RNF180: variants seen among roughly 807,000 people sequenced by gnomAD.
The protein encoded by RNF180 is ring finger protein 180, also known as E3 ubiquitin-protein ligase RNF180.
A neutral mutation model predicts 59.2 loss-of-function variants in RNF180; 38 were observed. The observed-to-expected ratio is 0.64, with a 90% CI of 0.50 to 0.84. RNF180 has a LOEUF of 0.84. Among genes scored for constraint, RNF180 ranks in the 40% least tolerant of loss-of-function variants. The pLI, the probability that RNF180 is intolerant of heterozygous loss-of-function variation, is 0.00. For synonymous variants in RNF180, 262 were observed against 240.3 expected (o/e 1.09, Z -0.84); for missense variants, 705 against 700.9 (o/e 1.01, Z -0.07).
intron 5 of RNF180, among the ~76,000 whole-genome samples, chr5:64,298,339 GC>G (rs569409246): frequency 1.7e-4 from 26 of 151,996 alleles, no homozygotes; most frequent in Non-Finnish European, 2.9e-5. Context: ...GGTTGGCATT[GC>G]CTAGGTTGTC....
Position 64,182,291 on chromosome 5 carries a change from T to G in RNF180, c.-1+16338T>G, listed in dbSNP as rs1690971669. On this transcript the variant is annotated intron_variant, in intron 1 of 7. Coordinates refer to ENST00000389100, the MANE Select transcript of RNF180 (RefSeq NM_001113561.2). ...CAGCTACTTTCTTAAATAATGTGAT[T>G]CACAAAAAATTTATTTTAAAGAAAT... Among the ~76,000 whole-genome samples, 7 of 152,264 alleles carry G rather than the reference T, an allele frequency of 4.6e-5. No homozygotes were observed. In the South Asian group the frequency reaches 1.5e-3, roughly 32 times the overall value.
intron 5 of RNF180, among the ~76,000 whole-genome samples, chr5:64,258,254 G>T (rs532379651): frequency 1.1e-3 from 174 of 152,256 alleles, no homozygotes; most frequent in African/African-American, 4.0e-3. Context: ...AAAACTAAAA[G>T]ACCATTTTGT....
chr5:64,256,473 G>A (rs1222104238), intron 5 of RNF180, among the ~76,000 whole-genome samples: 1 of 152,088 alleles, frequency 6.6e-6, no homozygotes, highest in Non-Finnish European at 1.5e-5. Context: ...TTTCCCCATT[G>A]CTTGTTTCTG....
intron 5 of RNF180, among the ~76,000 whole-genome samples, chr5:64,245,587 C>T (rs1216255009): frequency 6.6e-6 from 1 of 152,134 alleles, no homozygotes; most frequent in East Asian, 1.9e-4. Flanking sequence ...TATATATGCA[C>T]CCAATATGGG....
At chr5:64,254,807 T>G (rs1333227881) in intron 5 of RNF180, among the ~76,000 whole-genome samples, 1 of 152,182 alleles carries the variant, frequency 6.6e-6, no homozygotes, top group Non-Finnish European at 1.5e-5. Context: ...CCTGTTTTTC[T>G]CCAGCCATTA....
At chr5:64,299,667 G>T (rs1580206131) in intron 5 of RNF180, among the ~76,000 whole-genome samples, 1 of 151,872 alleles carries the variant, frequency 6.6e-6, no homozygotes, top group African/African-American at 2.4e-5. Flanking sequence ...GACTCAGTAG[G>T]CTTGTTTTGG....
intron 7 of RNF180, among the ~76,000 whole-genome samples, chr5:64,337,384 T>C (rs1745171687): frequency 6.6e-6 from 1 of 152,228 alleles, no homozygotes; most frequent in Non-Finnish European, 1.5e-5. Context: ...CCTTATATTT[T>C]GTTAAAGGTT....
chr5:64,191,203 A>G (rs1751139545), intron 1 of RNF180, among the ~76,000 whole-genome samples: 1 of 152,232 alleles, frequency 6.6e-6, no homozygotes, highest in Non-Finnish European at 1.5e-5. Context: ...TTATTTCTGT[A>G]TGGAAAGTAC....
intron 5 of RNF180, among the ~76,000 whole-genome samples, chr5:64,287,111 C>A (rs1004268241): frequency 5.3e-5 from 8 of 152,118 alleles, no homozygotes; most frequent in Non-Finnish European, 1.2e-4. Context: ...GAATTACAGG[C>A]ACCTGCCACC....
intron 7 of RNF180, among the ~76,000 whole-genome samples, chr5:64,361,493 A>G (rs932668684): frequency 3.3e-5 from 5 of 151,574 alleles, no homozygotes; most frequent in African/African-American, 1.2e-4. Context: ...TGGCACAAGA[A>G]TTCAATTCTT....
At chr5:64,176,354 T>C (rs1257906228) in intron 1 of RNF180, among the ~76,000 whole-genome samples, 4 of 152,144 alleles carry the variant, frequency 2.6e-5, no homozygotes, top group Non-Finnish European at 4.4e-5. Flanking sequence ...TCTCCTATCT[T>C]CTTTTTCTTA....
In RNF180 at chr5:64,200,957, C is replaced by G. The variant is rs756035118; in HGVS notation, c.135+15C>G. 1 of 1,609,476 alleles carries G rather than the reference C, an allele frequency of 6.2e-7. No individual in the cohort carries two copies. Among genetic ancestry groups the G allele is most frequent in the Non-Finnish European group, 8.5e-7 (1 of 1,176,654 alleles). On this transcript the variant is annotated intron_variant, in intron 2 of 7. Transcript: ENST00000389100. ...AAGTGATTAAGGTGAGTATTGGTAA[C>G]TCCAGTCTTCAGTTTCCTGGTAGAG...
chr5:64,306,416 A>G (rs1008593806), intron 5 of RNF180, among the ~76,000 whole-genome samples: 2 of 151,732 alleles, frequency 1.3e-5, no homozygotes, highest in Non-Finnish European at 3.0e-5. Context: ...TAAAATACAT[A>G]GGCTAGCCAG....
At chr5:64,354,066 G>C (rs968334502) in intron 7 of RNF180, among the ~76,000 whole-genome samples, 2 of 151,280 alleles carry the variant, frequency 1.3e-5, no homozygotes, top group Non-Finnish European at 3.0e-5. Context: ...CTTTGAACTA[G>C]AAGAATCAGC....
intron 1 of RNF180, among the ~76,000 whole-genome samples, chr5:64,193,754 G>T (rs1751301273): frequency 6.6e-6 from 1 of 152,210 alleles, no homozygotes; most frequent in Non-Finnish European, 1.5e-5. Flanking sequence ...CTTGGTGATA[G>T]ATAAGTAATC....
At chr5:64,333,156 G>A (rs934742884) in intron 7 of RNF180, among the ~76,000 whole-genome samples, 6 of 152,074 alleles carry the variant, frequency 3.9e-5, no homozygotes, top group African/African-American at 1.4e-4. Flanking sequence ...GGTATAGATA[G>A]GTTTTATTTT....
intron 1 of RNF180, among the ~76,000 whole-genome samples, chr5:64,175,592 T>C (rs1487040111): frequency 1.3e-5 from 2 of 152,214 alleles, no homozygotes; most frequent in African/African-American, 4.8e-5. Context: ...TTACTTTGGC[T>C]ATTTGGGGTC....
intron 5 of RNF180, among the ~76,000 whole-genome samples, chr5:64,318,765 C>T (rs556224657): frequency 1.3e-5 from 2 of 152,184 alleles, no homozygotes; most frequent in African/African-American, 2.4e-5. Flanking sequence ...TGAACAGACT[C>T]AGGAATTTCT....
At chr5:64,336,384 G>A (rs546462974) in intron 7 of RNF180, among the ~76,000 whole-genome samples, 4 of 149,596 alleles carry the variant, frequency 2.7e-5, no homozygotes, top group South Asian at 2.1e-4. Flanking sequence ...ACCATATTTT[G>A]TCTATCTATT....
Sources: allele counts gnomAD v4.1 joint callset (sites outside exome capture counted in the v4.1 genomes callset), GRCh38; gene constraint gnomAD v4.1.1; transcripts MANE v1.5; gene names NCBI Gene and HGNC (gene_info 2026-07-23, HGNC 2026-07-21).